The following TAFA2 variants were observed in gnomAD, a reference collection of about 807,000 sequenced individuals.
TAFA2 encodes chemokine-like protein TAFA-2.
TAFA2 carries 7 observed loss-of-function variants against 18.8 expected under a neutral mutation model. That is an observed-to-expected ratio of 0.37 (90% CI 0.21 to 0.70). The LOEUF (loss-of-function observed/expected upper bound fraction) is 0.70. Among genes scored for constraint, TAFA2 ranks in the 30% least tolerant of loss-of-function variants. TAFA2 has a pLI of 0.53. For missense variants in TAFA2, 122 were observed against 158.1 expected (o/e 0.77, Z 1.23); for synonymous variants, 60 against 54.2 (o/e 1.11, Z -0.47).
chr12:62,252,287 C>G (rs1380154505), intron 1 of TAFA2: 1 of 152,212 alleles, frequency 6.6e-6, no homozygotes, highest in Non-Finnish European at 1.5e-5. Context: ...ATAAGAGCAG[C>G]CTGACCTCCT....
chr12:62,247,598 CA>C (rs1203238481), intron 1 of TAFA2, among the ~76,000 whole-genome samples: 3 of 152,158 alleles, frequency 2.0e-5, no homozygotes, highest in African/African-American at 7.2e-5. Flanking sequence ...TTTGACTACA[CA>C]ACAATTTTCT....
At chr12:62,108,805 A>G (rs565625963) in intron 1 of TAFA2, among the ~76,000 whole-genome samples, 2 of 152,210 alleles carry the variant, frequency 1.3e-5, no homozygotes, top group African/African-American at 4.8e-5. Context: ...GTGTCTGTTC[A>G]TATCCTTCAC....
chr12:61,877,971 G>C (rs1001415110), intron 1 of TAFA2: 22 of 437,768 alleles, frequency 5.0e-5, no homozygotes, highest in Non-Finnish European at 9.5e-5. Flanking sequence ...ACACACAGTG[G>C]AATATTATTC....
intron 2 of TAFA2, among the ~76,000 whole-genome samples, chr12:61,789,545 G>C (rs12315140): frequency 0.045 from 6,908 of 151,878 alleles, 497 homozygotes; most frequent in African/African-American, 0.16. Flanking sequence ...CTGTCAGGAG[G>C]CTGGGGGCTA....
At chr12:61,828,923 GCT>G (rs1210510368) in intron 2 of TAFA2, among the ~76,000 whole-genome samples, 3 of 151,712 alleles carry the variant, frequency 2.0e-5, no homozygotes, top group Non-Finnish European at 4.4e-5. Context: ...ATTCCACTGA[GCT>G]CTGAGTAATA....
chr12:62,115,071 A>G (rs1869901694), intron 1 of TAFA2, among the ~76,000 whole-genome samples: 1 of 152,094 alleles, frequency 6.6e-6, no homozygotes, highest in Non-Finnish European at 1.5e-5. Flanking sequence ...ATTTTCTCAA[A>G]ACATTGACCT....
At chr12:61,779,705 A>G (rs1461883236) in intron 2 of TAFA2, among the ~76,000 whole-genome samples, 2 of 151,828 alleles carry the variant, frequency 1.3e-5, no homozygotes, top group African/African-American at 4.8e-5. Context: ...ATGTGAGAAT[A>G]AAGATTTTCT....
intron 4 of TAFA2, among the ~76,000 whole-genome samples, chr12:61,736,652 G>A (rs971552143): frequency 8.6e-5 from 13 of 151,798 alleles, no homozygotes; most frequent in African/African-American, 2.7e-4. Context: ...GATTTACCCC[G>A]TTGTCCTGAA....
intron 2 of TAFA2, among the ~76,000 whole-genome samples, chr12:61,859,179 A>G (rs1179902801): frequency 6.6e-6 from 1 of 152,230 alleles, no homozygotes; most frequent in Non-Finnish European, 1.5e-5. Flanking sequence ...GCAAAAGAGA[A>G]GCAGGCACCT....
intron 1 of TAFA2, among the ~76,000 whole-genome samples, chr12:62,106,345 AAAAAC>A (rs1276360952): frequency 6.6e-6 from 1 of 152,106 alleles, no homozygotes; most frequent in East Asian, 1.9e-4. Context: ...AAAAAGAACA[AAAAAC>A]AAAAAACAAA....
At chr12:61,753,302 T>C (rs1869105785) in intron 4 of TAFA2, among the ~76,000 whole-genome samples, 1 of 152,040 alleles carries the variant, frequency 6.6e-6, no homozygotes, top group African/African-American at 2.4e-5. Context: ...AAATAAAGGA[T>C]TGGGGTCACC....
chr12:61,953,874 G>C (rs554832696), intron 1 of TAFA2, among the ~76,000 whole-genome samples: 1 of 152,140 alleles, frequency 6.6e-6, no homozygotes, highest in Non-Finnish European at 1.5e-5. Context: ...TGTAGTCACC[G>C]CACTACACAG....
intron 1 of TAFA2, among the ~76,000 whole-genome samples, chr12:62,256,244 G>A (rs2062938169): frequency 6.6e-6 from 1 of 151,818 alleles, no homozygotes; most frequent in Non-Finnish European, 1.5e-5. Flanking sequence ...ACTCCAGCCT[G>A]GGCAACAGAG....
At chr12:61,945,999 G>C (rs1193820424) in intron 1 of TAFA2, among the ~76,000 whole-genome samples, 38 of 113,812 alleles carry the variant, frequency 3.3e-4, no homozygotes, top group Admixed American at 1.7e-4. Flanking sequence ...GCATCGCCAA[G>C]TCAATCCTAA....
chr12:61,900,282 T>G (rs919975618), intron 1 of TAFA2, among the ~76,000 whole-genome samples: 2 of 152,164 alleles, frequency 1.3e-5, no homozygotes, highest in African/African-American at 4.8e-5. Flanking sequence ...TAAGCCTAAA[T>G]AGTTTTCCAA....
intron 1 of TAFA2, among the ~76,000 whole-genome samples, chr12:62,178,288 T>C (rs1229418720): frequency 1.3e-5 from 2 of 152,090 alleles, no homozygotes; most frequent in African/African-American, 4.8e-5. Context: ...TGACAGAGTC[T>C]CTAAAAAATA....
chr12:61,862,207 G>A (rs1874158471), intron 2 of TAFA2, among the ~76,000 whole-genome samples: 1 of 152,172 alleles, frequency 6.6e-6, no homozygotes, highest in African/African-American at 2.4e-5. Context: ...CCCAATATCA[G>A]AAGCTGCACC....
intron 1 of TAFA2, among the ~76,000 whole-genome samples, chr12:62,231,010 AT>A (rs1171067996): frequency 6.6e-6 from 1 of 152,212 alleles, no homozygotes; most frequent in Admixed American, 6.5e-5. Flanking sequence ...AAAAATATGT[AT>A]TCTGCAACAG....
intron 1 of TAFA2, among the ~76,000 whole-genome samples, chr12:61,927,179 G>A (rs1196817343): frequency 6.6e-6 from 1 of 151,096 alleles, no homozygotes; most frequent in Non-Finnish European, 1.5e-5. Flanking sequence ...TCAGGCAACA[G>A]AAAGAAATAA....
Sources: gnomAD v4.1 joint callset for allele counts (sites outside exome capture counted in the v4.1 genomes callset) on GRCh38, gnomAD v4.1.1 for gene constraint, MANE v1.5 for transcripts, NCBI Gene and HGNC (gene_info 2026-07-23, HGNC 2026-07-21) for gene names.